The following MEGF6 variants were observed in gnomAD, a reference collection of about 807,000 sequenced individuals.
MEGF6 encodes multiple EGF like domains 6.
In MEGF6, 184 loss-of-function variants were observed where a neutral mutation model predicts 207.1. That is an observed-to-expected ratio of 0.89 (90% CI 0.79 to 1.00). The LOEUF (loss-of-function observed/expected upper bound fraction) is 1.00, where lower values mean the gene tolerates loss of function less well. Among genes scored for constraint, MEGF6 ranks in the 50% least tolerant of loss-of-function variants. The pLI is 0.00. For synonymous variants in MEGF6, 1,038 were observed against 910.0 expected (o/e 1.14, Z -2.53); for missense variants, 2,282 against 2,202.9 (o/e 1.04, Z -0.72).
In MEGF6 at chr1:3,511,652, T is replaced by G. The variant is rs1381464497; in HGVS notation, c.1012A>C (p.Asn338His). ...CAGCCATGGGAGCAGCCGCCGTTGT[T>G]GGCCTCACAGCTGTTCACGATTTCC... Reference protein sequence around the residue: ...EMEIVNSCEANNGGCSHGCSH... With the variant: ...EMEIVNSCEAHNGGCSHGCSH... Residue 338 changes from asparagine to histidine, a missense_variant, in exon 9 of 37, where the codon AAC becomes CAC. Coordinates refer to ENST00000356575, the MANE Select transcript of MEGF6 (RefSeq NM_001409.4). 4.3e-6 allele frequency: 7 copies of G among 1,612,142 alleles called. No homozygotes were observed. In the Admixed American group the frequency reaches 1.0e-4, roughly 23 times the overall value.
At position 3,488,099 on chromosome 1, in the gene MEGF6, T is replaced by C. The variant is rs1330610495; in HGVS notation, c.*2429A>G. On this transcript the variant is annotated 3_prime_UTR_variant, in exon 37 of 37. Coordinates refer to ENST00000356575, the MANE Select transcript of MEGF6 (RefSeq NM_001409.4). ...TCATCTCAAGCGTTTATTATGTGTG[T>C]TGAGAATGTTCAATATCCTCCTTCT... 6.6e-6 allele frequency among the ~76,000 whole-genome samples: 1 copy of C among 152,238 alleles called. No individual in the cohort carries two copies. Among genetic ancestry groups the C allele is most frequent in the Non-Finnish European group, 1.5e-5 (1 of 68,040 alleles).
chr1:3,512,044 G>C lies in MEGF6; in HGVS notation c.938C>G (p.Ala313Gly), dbSNP rs11585362. Residue 313 changes from alanine to glycine, a missense_variant, in exon 8 of 37, where the codon GCG (alanine) becomes GGG (glycine). Ala to Gly is a moderately conservative substitution (Grantham distance 60, BLOSUM62 0). Coordinates refer to ENST00000356575, the MANE Select transcript of MEGF6 (RefSeq NM_001409.4). The stretch of plus-strand genomic sequence containing the variant: ...GCCATCGGCGCCCAGCTCATAGCCC[G>C]CGTGACACACGCACTTGAAGGACCC... Reference protein sequence around the residue: ...TQGSFKCVCHAGYELGADGRQ... With the variant: ...TQGSFKCVCHGGYELGADGRQ... The C allele has an allele frequency of 6.2e-7, 1 of 1,612,598 alleles. No homozygotes were observed. The highest frequency in any genetic ancestry group is 8.5e-7 in the Non-Finnish European group (1 of 1,179,876).
intron 4 of MEGF6, among the ~76,000 whole-genome samples, chr1:3,529,483 G>C (rs1053927370): frequency 6.6e-6 from 1 of 152,236 alleles, no homozygotes; most frequent in South Asian, 2.1e-4. Context: ...GGTGAGAGAC[G>C]AGTGGGCTCA....
intron 4 of MEGF6, among the ~76,000 whole-genome samples, chr1:3,545,865 G>T (rs1239320008): frequency 6.6e-6 from 1 of 152,212 alleles, no homozygotes; most frequent in African/African-American, 2.4e-5. Context: ...GGAGCACACA[G>T]AATCTGTTTC....
At chr1:3,498,997 C>G (rs946504624) in intron 24 of MEGF6, 141 bp downstream of exon 24, 1 of 1,410,858 alleles carries the variant, frequency 7.1e-7, no homozygotes, top group African/African-American at 1.4e-5. Context: ...TGGAGAGGGG[C>G]ACAGGTGAAA....
At chr1:3,496,817 G>A in intron 28 of MEGF6, 34 bp from the exon 29 acceptor site, 2 of 1,544,912 alleles carry the variant, frequency 1.3e-6, no homozygotes, top group Non-Finnish European at 1.7e-6. Flanking sequence ...AGGGGCTGGG[G>A]CTGGAGGCTT....
rs554761788 is a variant in MEGF6, at chr1:3,509,819, G to A, written c.1357+51C>T. ...CCTGCGGGACGCAGGGTCAGCTGGG[G>A]CAAACTCGAGAAGGCAGAGGCCGGT... is the stretch of plus-strand genomic sequence containing the variant. On this transcript the variant is annotated intron_variant, in intron 11 of 36. Transcript: ENST00000356575. 6.7e-6 allele frequency: 10 copies of A among 1,501,610 alleles called. No homozygotes were observed. The Admixed American group carries it at 1.8e-4, about 28-fold the overall frequency. The allele number at this position is 1,501,610 out of a possible 1,614,324, so 93.0% of individuals were successfully genotyped here.
At chr1:3,509,748 C>G in intron 11 of MEGF6, 122 bp downstream of exon 11, 1 of 1,359,466 alleles carries the variant, frequency 7.4e-7, no homozygotes, top group South Asian at 1.5e-5. Flanking sequence ...CCCAGAGAGG[C>G]CAGGGGGCAA....
chr1:3,495,176 G>A (rs769217469), intron 30 of MEGF6, among the ~76,000 whole-genome samples: 8 of 152,198 alleles, frequency 5.3e-5, no homozygotes, highest in Admixed American at 1.3e-4. Flanking sequence ...ACAGCCGGAT[G>A]CCTGATGACC....
rs1414752259 is a variant in MEGF6 at position 3,499,752 on chromosome 1, A to G, written c.2837-36T>C. 14 of 1,591,462 alleles carry G rather than the reference A, an allele frequency of 8.8e-6. No individual in the cohort carries two copies. The Middle Eastern group carries it at 5.0e-4, about 56-fold the overall frequency. On this transcript the variant is annotated intron_variant, in intron 22 of 36. Coordinates refer to ENST00000356575, the MANE Select transcript of MEGF6 (RefSeq NM_001409.4). ...CGGGCAGTGATGTGGAGGGGCCCAC[A>G]CTGGAGGCCACCCAGCCTAGCCCCC... is the stretch of plus-strand genomic sequence containing the variant.
chr1:3,564,693 G>A (rs1643296820), intron 4 of MEGF6, among the ~76,000 whole-genome samples: 1 of 152,150 alleles, frequency 6.6e-6, no homozygotes, highest in Admixed American at 6.5e-5. Context: ...CAAAGCAGGG[G>A]TATGGCCCCC....
intron 2 of MEGF6, among the ~76,000 whole-genome samples, chr1:3,598,806 G>A (rs1260398121): frequency 6.6e-6 from 1 of 151,878 alleles, no homozygotes; most frequent in Admixed American, 6.6e-5. Context: ...GGGCCTGGCA[G>A]GAGGGACCTG....
chr1:3,533,836 G>A (rs1642248010), intron 4 of MEGF6, among the ~76,000 whole-genome samples: 1 of 152,166 alleles, frequency 6.6e-6, no homozygotes. Context: ...CCCCATCTGG[G>A]GAAGGTTCCT....
chr1:3,585,690 T>C (rs1342807281), intron 3 of MEGF6, among the ~76,000 whole-genome samples: 3 of 135,588 alleles, frequency 2.2e-5, no homozygotes, highest in Non-Finnish European at 3.1e-5. Context: ...TGTGTGTGGG[T>C]GTGACATATG....
At chr1:3,540,159 T>C (rs952661115) in intron 4 of MEGF6, among the ~76,000 whole-genome samples, 1 of 152,224 alleles carries the variant, frequency 6.6e-6, no homozygotes, top group African/African-American at 2.4e-5. Flanking sequence ...GGGCTGGCTC[T>C]CACCGCTGAC....
intron 4 of MEGF6, among the ~76,000 whole-genome samples, chr1:3,540,840 C>A (rs1332023994): frequency 6.6e-6 from 1 of 152,250 alleles, no homozygotes; most frequent in Non-Finnish European, 1.5e-5. Context: ...CACCATCACA[C>A]TGGGGAGTCC....
intron 4 of MEGF6, among the ~76,000 whole-genome samples, chr1:3,538,718 G>A (rs1347101538): frequency 7.2e-6 from 1 of 138,660 alleles, no homozygotes; most frequent in Admixed American, 7.1e-5. Context: ...GTGTGTGTGT[G>A]TGTGTGTGTG....
intron 4 of MEGF6, chr1:3,531,318 G>C (rs891816235): frequency 5.7e-6 from 7 of 1,235,744 alleles, no homozygotes; most frequent in Admixed American, 4.4e-5. Context: ...GCCGGGCGAC[G>C]GGGCAGGCGG....
At chr1:3,584,514 G>T (rs1441971372) in intron 3 of MEGF6, among the ~76,000 whole-genome samples, 2 of 152,196 alleles carry the variant, frequency 1.3e-5, no homozygotes, top group African/African-American at 4.8e-5. Context: ...CTGGAGCAGG[G>T]GCAGTGCACC....
Sources: allele counts gnomAD v4.1 joint callset (sites outside exome capture counted in the v4.1 genomes callset), GRCh38; gene constraint gnomAD v4.1.1; transcripts MANE v1.5; gene names NCBI Gene and HGNC (gene_info 2026-07-23, HGNC 2026-07-21).